Variants in CSMD1 observed in about 807,000 individuals in gnomAD.
The protein encoded by CSMD1 is CUB and Sushi multiple domains 1.
A neutral mutation model predicts 417.5 loss-of-function variants in CSMD1; 213 were observed. That is an observed-to-expected ratio of 0.51 (90% CI 0.46 to 0.57). CSMD1 has a LOEUF of 0.57. CSMD1 is among the 20% of genes least tolerant of loss of function. CSMD1 has a pLI of 0.00. For missense variants in CSMD1, 6,923 were observed against 4,529.7 expected (o/e 1.53, Z -15.17); for synonymous variants, 2,862 against 1,736.8 (o/e 1.65, Z -16.11).
At chr8:3,810,690 A>G (rs1801018263) in intron 5 of CSMD1, among the ~76,000 whole-genome samples, 1 of 152,196 alleles carries the variant, frequency 6.6e-6, no homozygotes, top group African/African-American at 2.4e-5. Context: ...GAATAGAAGG[A>G]AATGGTTTAT....
At chr8:3,661,003 G>A (rs1798390155) in intron 7 of CSMD1, among the ~76,000 whole-genome samples, 1 of 152,196 alleles carries the variant, frequency 6.6e-6, no homozygotes, top group South Asian at 2.1e-4. Context: ...CCAGCACCCA[G>A]CGTCAACTGC....
intron 3 of CSMD1, among the ~76,000 whole-genome samples, chr8:4,169,756 G>A (rs982759237): frequency 6.6e-6 from 1 of 152,104 alleles, no homozygotes; most frequent in Non-Finnish European, 1.5e-5. Flanking sequence ...CCCCCTTGAG[G>A]ACTATTCATG....
intron 3 of CSMD1, among the ~76,000 whole-genome samples, chr8:4,070,417 G>T (rs992276164): frequency 6.6e-6 from 1 of 152,142 alleles, no homozygotes; most frequent in Non-Finnish European, 1.5e-5. Context: ...GAGTGCAGTG[G>T]TGGGATCTCG....
At chr8:3,480,083 G>C (rs543794606) in intron 11 of CSMD1, among the ~76,000 whole-genome samples, 15 of 152,258 alleles carry the variant, frequency 9.9e-5, no homozygotes, top group Admixed American at 5.2e-4. Context: ...AAGGGGCCGG[G>C]AGTGGTGACT....
chr8:3,749,854 G>C (rs930747682), intron 6 of CSMD1, among the ~76,000 whole-genome samples: 1 of 151,902 alleles, frequency 6.6e-6, no homozygotes, highest in Non-Finnish European at 1.5e-5. Flanking sequence ...GGTGGTTCGC[G>C]GTGGTTGACA....
intron 1 of CSMD1, among the ~76,000 whole-genome samples, chr8:4,843,658 G>T (rs1340628941): frequency 6.6e-6 from 1 of 152,068 alleles, no homozygotes; most frequent in Non-Finnish European, 1.5e-5. Context: ...CTTATTAAAT[G>T]AATTTCACTG....
At chr8:3,560,629 G>A (rs1480690841) in intron 10 of CSMD1, among the ~76,000 whole-genome samples, 2 of 152,040 alleles carry the variant, frequency 1.3e-5, no homozygotes, top group Non-Finnish European at 2.9e-5. Flanking sequence ...TGAGATGGCG[G>A]GATGATATAA....
intron 3 of CSMD1, among the ~76,000 whole-genome samples, chr8:4,197,401 C>G (rs1390945035): frequency 6.6e-6 from 1 of 152,130 alleles, no homozygotes; most frequent in East Asian, 1.9e-4. Flanking sequence ...ATAAGATGAA[C>G]ATTTCATTTG....
At chr8:4,147,198 CACA>C (rs1255666153) in intron 3 of CSMD1, among the ~76,000 whole-genome samples, 1 of 152,078 alleles carries the variant, frequency 6.6e-6, no homozygotes, top group African/African-American at 2.4e-5. Flanking sequence ...CACTCCCTCA[CACA>C]ACTACTGAAA....
chr8:3,487,904 G>A (rs1237860860), intron 11 of CSMD1, among the ~76,000 whole-genome samples: 1 of 151,848 alleles, frequency 6.6e-6, no homozygotes, highest in East Asian at 1.9e-4. Context: ...TCAACATTTT[G>A]ATATTAATGG....
intron 4 of CSMD1, among the ~76,000 whole-genome samples, chr8:4,017,244 C>A (rs1796567302): frequency 6.6e-6 from 1 of 152,046 alleles, no homozygotes; most frequent in African/African-American, 2.4e-5. Flanking sequence ...ATTTTTTTCA[C>A]AATTCAAGGC....
chr8:3,339,683 G>A (rs961705993), intron 23 of CSMD1, among the ~76,000 whole-genome samples: 1 of 152,186 alleles, frequency 6.6e-6, no homozygotes, highest in Non-Finnish European at 1.5e-5. Flanking sequence ...GCCTGATACA[G>A]CTCTGTGGAC....
At chr8:3,586,052 C>A (rs573309285) in intron 9 of CSMD1, 84 bp downstream of exon 9, 1 of 1,386,526 alleles carries the variant, frequency 7.2e-7, no homozygotes, top group East Asian at 2.4e-5. Context: ...ATACACAATG[C>A]TTCATGCTTA....
chr8:4,805,427 T>G (rs1308733487), intron 1 of CSMD1, among the ~76,000 whole-genome samples: 1 of 152,138 alleles, frequency 6.6e-6, no homozygotes, highest in East Asian at 1.9e-4. Flanking sequence ...ACCGAGTCCT[T>G]GCCTACTACA....
At chr8:4,118,251 T>A (rs1477538187) in intron 3 of CSMD1, among the ~76,000 whole-genome samples, 2 of 152,148 alleles carry the variant, frequency 1.3e-5, no homozygotes, top group Non-Finnish European at 2.9e-5. Flanking sequence ...CAACTAAACT[T>A]CTGAAACATG....
At chr8:3,782,711 G>A (rs1028086382) in intron 5 of CSMD1, among the ~76,000 whole-genome samples, 1 of 152,134 alleles carries the variant, frequency 6.6e-6, no homozygotes, top group African/African-American at 2.4e-5. Flanking sequence ...TTTTGGCTAG[G>A]TTCAAGGAGC....
In CSMD1 at chr8:4,041,053, G is replaced by C. The variant is rs371887644; in HGVS notation, c.416-8954C>G. Among the ~76,000 whole-genome samples the C allele has an allele frequency of 2.7e-3, 322 of 117,614 alleles. 2 individuals are homozygous for C. Among genetic ancestry groups the C allele is most frequent in the African/African-American group, 0.011 (308 of 28,742 alleles). The allele number at this position is 117,614 out of a possible 152,430, so 77.2% of individuals were successfully genotyped here. A position where few individuals can be genotyped will look rare whatever the true frequency, so the allele number is the denominator to read the frequency against. On this transcript the variant is annotated intron_variant, in intron 3 of 69. Coordinates refer to ENST00000635120, the MANE Select transcript of CSMD1 (RefSeq NM_033225.6). ...TTTTTTTGAGACGGAGTCTCGCTCT[G>C]TCGCCCAGGCTGGAGTGCAGTGGCG...
intron 10 of CSMD1, among the ~76,000 whole-genome samples, chr8:3,506,387 A>C (rs1305548482): frequency 2.0e-5 from 3 of 152,202 alleles, no homozygotes; most frequent in African/African-American, 7.2e-5. Context: ...GTAGGGGAGT[A>C]AACACGTTTT....
intron 52 of CSMD1, among the ~76,000 whole-genome samples, chr8:3,016,897 T>C (rs1293314061): frequency 3.3e-5 from 5 of 152,196 alleles, no homozygotes; most frequent in African/African-American, 1.2e-4. Flanking sequence ...TCATCCTTTC[T>C]ACTCCAAAAC....
Sources: gnomAD v4.1 joint callset for allele counts (sites outside exome capture counted in the v4.1 genomes callset) on GRCh38, gnomAD v4.1.1 for gene constraint, MANE v1.5 for transcripts, NCBI Gene and HGNC (gene_info 2026-07-23, HGNC 2026-07-21) for gene names.